PACSIN2: variants seen among roughly 807,000 people sequenced by gnomAD.
PACSIN2 encodes the protein protein kinase C and casein kinase substrate in neurons 2.
Under a neutral mutation model 63.8 loss-of-function variants are expected in PACSIN2, and 25 were observed. The observed-to-expected ratio is 0.39, with a 90% CI of 0.29 to 0.55. PACSIN2 has a LOEUF of 0.55. Among genes scored for constraint, PACSIN2 ranks in the 20% least tolerant of loss-of-function variants. The pLI, the probability that PACSIN2 is intolerant of heterozygous loss-of-function variation, is 0.62. For missense variants in PACSIN2, 518 were observed against 646.9 expected (o/e 0.80, Z 2.16); for synonymous variants, 255 against 256.2 (o/e 1.00, Z 0.05).
chr22:42,935,288 C>T (rs73176872), intron 1 of PACSIN2, among the ~76,000 whole-genome samples: 429 of 152,184 alleles, frequency 2.8e-3, no homozygotes, highest in Non-Finnish European at 4.9e-3. Context: ...TCCTGATTAT[C>T]GAGGACCTGC....
intron 1 of PACSIN2, among the ~76,000 whole-genome samples, chr22:42,997,627 T>A (rs971466927): frequency 6.6e-6 from 1 of 151,584 alleles, no homozygotes; most frequent in South Asian, 2.1e-4. Flanking sequence ...TTGAATTGCA[T>A]GCAAAAATGT....
chr22:42,875,860 G>A (rs117102323), intron 10 of PACSIN2, among the ~76,000 whole-genome samples: 3,246 of 152,102 alleles, frequency 0.021, 65 homozygotes, highest in Middle Eastern at 0.065. Context: ...TTTTTGTAGA[G>A]ACAGGTTTTG....
In PACSIN2 at chr22:42,884,466, C is replaced by T. The variant is rs1224072415; in HGVS notation, c.705G>A (p.Gln235=). 1 of 1,614,116 alleles carries T rather than the reference C, an allele frequency of 6.2e-7. No individual in the cohort carries two copies. The highest frequency in any genetic ancestry group is 2.2e-5 in the East Asian group (1 of 44,908). The part of the protein sequence containing the change: ...NMEQVFEQCQ[Q]FEEKRLRFFR... ...AGAAGCGAAGGCGTTTCTCCTCGAA[C>T]TGCTGGCACTGCTCAAACACCTGCT... Residue 235 remains glutamine, a synonymous_variant, in exon 6 of 11, where the codon CAG becomes CAA. Transcript: ENST00000263246.
At chr22:42,936,187 G>A (rs1932911786) in intron 1 of PACSIN2, among the ~76,000 whole-genome samples, 1 of 147,774 alleles carries the variant, frequency 6.8e-6, no homozygotes, top group African/African-American at 2.5e-5. Context: ...CTGCACTCCA[G>A]CCTGGGCGGC....
At chr22:43,003,716 G>C (rs1251365991) in intron 1 of PACSIN2, among the ~76,000 whole-genome samples, 1 of 152,242 alleles carries the variant, frequency 6.6e-6, no homozygotes, top group Non-Finnish European at 1.5e-5. Flanking sequence ...ACAAAGTGCA[G>C]TCCTCTACAG....
chr22:42,968,976 T>C (rs1234145160), intron 1 of PACSIN2, among the ~76,000 whole-genome samples: 2 of 152,186 alleles, frequency 1.3e-5, no homozygotes, highest in Admixed American at 6.5e-5. Flanking sequence ...CAGCCTGTCA[T>C]AGAATTTCTC....
intron 2 of PACSIN2, among the ~76,000 whole-genome samples, chr22:42,906,377 C>T (rs972804409): frequency 9.9e-5 from 15 of 152,230 alleles, no homozygotes; most frequent in African/African-American, 2.2e-4. Flanking sequence ...TTTTCATAAG[C>T]GTCCAAGCAT....
At chr22:42,952,671 T>A (rs144688978) in intron 1 of PACSIN2, among the ~76,000 whole-genome samples, 3,949 of 151,866 alleles carry the variant, frequency 0.026, 121 homozygotes, top group Admixed American at 0.089. Flanking sequence ...TTATTTATTT[T>A]TTTTTTTTTG....
chr22:42,971,023 G>C (rs1921219391), intron 1 of PACSIN2, among the ~76,000 whole-genome samples: 1 of 152,148 alleles, frequency 6.6e-6, no homozygotes, highest in South Asian at 2.1e-4. Flanking sequence ...AGTTTCTGAG[G>C]GTCTGCAGGC....
rs531323480 is a variant in PACSIN2, at chr22:42,879,471, G to A, written c.907-302C>T. ...CCCACCTCCCAGAGGACCAGCGGGG[G>A]TGGCGAGGACCAGGGCAAGGTCCGG... On this transcript the variant is annotated intron_variant, in intron 7 of 10. Coordinates refer to ENST00000263246, the MANE Select transcript of PACSIN2 (RefSeq NM_001184970.3). Among the ~76,000 whole-genome samples the A allele has an allele frequency of 4.6e-5, 7 of 152,316 alleles. No individual in the cohort carries two copies. In the South Asian group the frequency reaches 1.2e-3, roughly 27 times the overall value.
chr22:42,938,328 T>A (rs1364394082), intron 1 of PACSIN2, among the ~76,000 whole-genome samples: 1 of 152,168 alleles, frequency 6.6e-6, no homozygotes, highest in Non-Finnish European at 1.5e-5. Context: ...TGCCAATTAA[T>A]CTTATTCTTA....
intron 1 of PACSIN2, among the ~76,000 whole-genome samples, chr22:42,981,392 G>A (rs1469350183): frequency 4.3e-5 from 6 of 140,608 alleles, no homozygotes; most frequent in East Asian, 4.6e-4. Context: ...CGCCCCGTCC[G>A]GGAGGTGAGG....
chr22:42,896,686 C>A (rs962458824), intron 2 of PACSIN2, among the ~76,000 whole-genome samples: 1 of 152,190 alleles, frequency 6.6e-6, no homozygotes, highest in African/African-American at 2.4e-5. Context: ...AACAAAACTG[C>A]CGAACTGCTA....
At chr22:42,944,924 C>A (rs143062448) in intron 1 of PACSIN2, among the ~76,000 whole-genome samples, 2 of 152,132 alleles carry the variant, frequency 1.3e-5, no homozygotes, top group East Asian at 3.9e-4. Context: ...ACAGTGAAAC[C>A]CTATGTCTAC....
chr22:42,969,719 G>A (rs374517110), intron 1 of PACSIN2, among the ~76,000 whole-genome samples: 6 of 151,904 alleles, frequency 3.9e-5, no homozygotes, highest in East Asian at 1.9e-4. Flanking sequence ...CATGATGATC[G>A]CTCGAGTCCA....
intron 1 of PACSIN2, among the ~76,000 whole-genome samples, chr22:42,931,538 C>T (rs1275629249): frequency 6.6e-6 from 1 of 152,172 alleles, no homozygotes; most frequent in Admixed American, 6.5e-5. Flanking sequence ...GTCAATGGAA[C>T]CAGCCAGGGT....
chr22:42,994,277 T>A (rs566085584), intron 1 of PACSIN2, among the ~76,000 whole-genome samples: 1 of 152,264 alleles, frequency 6.6e-6, no homozygotes, highest in South Asian at 2.1e-4. Context: ...CACCTCCCCA[T>A]GCAACTGGGG....
chr22:42,948,802 G>T (rs985508523), intron 1 of PACSIN2, among the ~76,000 whole-genome samples: 3 of 152,198 alleles, frequency 2.0e-5, no homozygotes, highest in South Asian at 2.1e-4. Flanking sequence ...CTGTAGAGAA[G>T]AATATGGAGC....
rs770883501 is a variant in PACSIN2, at chr22:42,871,334, C to CG, written c.*22_*23insC. ...CTCCTGGGCCCGCCGCCTCCGTCCCCCCGCTGGCCTGTCCCCGACTCATCA... is the reference window on the plus strand; with the variant it reads ...CTCCTGGGCCCGCCGCCTCCGTCCCCGCCGCTGGCCTGTCCCCGACTCATCA... On this transcript the variant is annotated 3_prime_UTR_variant, in exon 11 of 11. Coordinates refer to ENST00000263246, the MANE Select transcript of PACSIN2 (RefSeq NM_001184970.3). The surrounding 1 kb of genome is among the most constrained non-coding windows in gnomAD (Gnocchi z 5.4). 14 of 1,528,598 alleles carry CG rather than the reference C, an allele frequency of 9.2e-6. No homozygotes were observed. The highest frequency in any genetic ancestry group is 6.8e-5 in the African/African-American group (5 of 73,252). 94.7% of individuals were successfully genotyped at this position (1,528,598 alleles called of 1,614,324 possible).
Sources: allele counts gnomAD v4.1 joint callset (sites outside exome capture counted in the v4.1 genomes callset), GRCh38; gene constraint gnomAD v4.1.1; non-coding constraint Gnocchi (gnomAD v3.1); transcripts MANE v1.5; gene names NCBI Gene and HGNC (gene_info 2026-07-23, HGNC 2026-07-21).